The following PPFIA2 variants were observed in gnomAD, a reference collection of about 807,000 sequenced individuals.
PPFIA2 encodes PPFI scaffold protein A2, also known as liprin-alpha-2.
PPFIA2 carries 46 observed loss-of-function variants against 175.5 expected under a neutral mutation model. That is an observed-to-expected ratio of 0.26 (90% CI 0.21 to 0.34). The LOEUF is 0.34. Ranked by LOEUF, PPFIA2 falls within the 10% of genes least tolerant of loss-of-function variation. The pLI, the probability that PPFIA2 is intolerant of heterozygous loss-of-function variation, is 1.00. For missense variants in PPFIA2, 1,179 were observed against 1,506.1 expected (o/e 0.78, Z 3.60); for synonymous variants, 568 against 511.4 (o/e 1.11, Z -1.49).
intron 3 of PPFIA2, among the ~76,000 whole-genome samples, chr12:81,707,913 A>G (rs1272633777): frequency 4.6e-5 from 7 of 150,986 alleles, no homozygotes; most frequent in Admixed American, 1.3e-4. Context: ...TCAGTAAACT[A>G]TCGCAAGAAC....
intron 4 of PPFIA2, among the ~76,000 whole-genome samples, chr12:81,531,726 T>C (rs2064593269): frequency 6.6e-6 from 1 of 151,204 alleles, no homozygotes; most frequent in Non-Finnish European, 1.5e-5. Context: ...CTAAAGGTAA[T>C]GAGGAGGTTT....
intron 4 of PPFIA2, among the ~76,000 whole-genome samples, chr12:81,611,679 T>C (rs1271842980): frequency 2.6e-5 from 4 of 152,142 alleles, no homozygotes; most frequent in Non-Finnish European, 1.5e-5. Flanking sequence ...AGCTCTCTTC[T>C]GGCTCAGAAG....
At chr12:81,593,726 A>T (rs1443287564) in intron 4 of PPFIA2, among the ~76,000 whole-genome samples, 1 of 152,220 alleles carries the variant, frequency 6.6e-6, no homozygotes, top group African/African-American at 2.4e-5. Context: ...AAAATTTTCC[A>T]GTGGGCACTT....
At position 81,370,341 on chromosome 12, in the gene PPFIA2, T is replaced by C. The variant is rs2034744086; in HGVS notation, c.1267-1147A>G. On this transcript the variant is annotated intron_variant, in intron 11 of 32. Transcript: ENST00000549396. ...GGTCTCTGAATGCACACTATGGTCA[T>C]TGGTCTAGAATCTAATGGCCTACTC... 3.3e-5 allele frequency among the ~76,000 whole-genome samples: 5 copies of C among 151,784 alleles called. No homozygotes were observed. In the Admixed American group the frequency reaches 3.3e-4, roughly 10 times the overall value.
intron 3 of PPFIA2, among the ~76,000 whole-genome samples, chr12:81,695,158 G>C (rs1318277613): frequency 1.3e-5 from 2 of 152,104 alleles, no homozygotes; most frequent in African/African-American, 4.8e-5. Flanking sequence ...TTAAAAATTT[G>C]AGGGACTTTT....
rs554939396 is a variant in PPFIA2 at position 81,719,526 on chromosome 12, C to T, written c.249+34447G>A. Among the ~76,000 whole-genome samples the T allele has an allele frequency of 3.3e-5, 5 of 151,526 alleles. No individual in the cohort carries two copies. In the East Asian group the frequency reaches 9.7e-4, roughly 30 times the overall value. On this transcript the variant is annotated intron_variant, in intron 3 of 32. Transcript: ENST00000549396. Reference sequence around the variant, plus strand: ...CCTAATTTTCATCTCCTGTGTCATACTTCTTCTTCCTCCTTTTAAATATGT... The same window carrying T: ...CCTAATTTTCATCTCCTGTGTCATATTTCTTCTTCCTCCTTTTAAATATGT...
chr12:81,285,554 G>T (rs2043120041), intron 24 of PPFIA2, among the ~76,000 whole-genome samples: 1 of 152,012 alleles, frequency 6.6e-6, no homozygotes, highest in Non-Finnish European at 1.5e-5. Context: ...TTGTAGTCAA[G>T]AATGGGGTGC....
chr12:81,637,139 G>C (rs1282817821), intron 4 of PPFIA2, among the ~76,000 whole-genome samples: 31 of 145,190 alleles, frequency 2.1e-4, no homozygotes, highest in Non-Finnish European at 3.2e-4. Context: ...GTGTGATCTC[G>C]GCTCACTGCA....
chr12:81,755,783 G>A (rs541119203), intron 2 of PPFIA2, among the ~76,000 whole-genome samples: 15 of 152,182 alleles, frequency 9.9e-5, no homozygotes, highest in African/African-American at 3.6e-4. Flanking sequence ...GCTACCTGAA[G>A]GCAGGAATTT....
chr12:81,582,090 T>G (rs1388580130), intron 4 of PPFIA2, among the ~76,000 whole-genome samples: 1 of 151,906 alleles, frequency 6.6e-6, no homozygotes, highest in African/African-American at 2.4e-5. Flanking sequence ...TATCGAGATT[T>G]GACTAAGATT....
Position 81,273,633 on chromosome 12 carries a change from A to G in PPFIA2, c.3310+3684T>C, listed in dbSNP as rs182509873. Among the ~76,000 whole-genome samples the G allele has an allele frequency of 2.4e-4, 37 of 152,284 alleles. 1 individual carries two copies. Among genetic ancestry groups the G allele is most frequent in the Non-Finnish European group, 5.9e-5 (4 of 68,018 alleles). On this transcript the variant is annotated intron_variant, in intron 28 of 32. Transcript: ENST00000549396. ...TCCACAGTACTAGCAAAACATTTGT[A>G]TATGAATCTGGAAGCTGAACATGTA...
At chr12:81,609,925 T>C (rs927439784) in intron 4 of PPFIA2, among the ~76,000 whole-genome samples, 1 of 152,190 alleles carries the variant, frequency 6.6e-6, no homozygotes, top group African/African-American at 2.4e-5. Flanking sequence ...CTTTTGATTC[T>C]AAGTTTAGCA....
chr12:81,676,712 TA>T (rs941615762), intron 4 of PPFIA2, 78 bp downstream of exon 4: 4 of 979,014 alleles, frequency 4.1e-6, no homozygotes, highest in Admixed American at 6.4e-5. Context: ...ACAAATAATA[TA>T]CAAGCAATCA....
intron 8 of PPFIA2, among the ~76,000 whole-genome samples, chr12:81,404,953 G>A (rs2042676863): frequency 6.6e-6 from 1 of 152,114 alleles, no homozygotes; most frequent in Non-Finnish European, 1.5e-5. Context: ...TCATTTAGGA[G>A]CTTAAGAATC....
chr12:81,641,220 A>G (rs577384422), intron 4 of PPFIA2, among the ~76,000 whole-genome samples: 4 of 152,096 alleles, frequency 2.6e-5, no homozygotes, highest in Admixed American at 2.6e-4. Flanking sequence ...TAACCACATA[A>G]ATTTTATTAT....
intron 4 of PPFIA2, among the ~76,000 whole-genome samples, chr12:81,636,995 T>C (rs1364365188): frequency 2.0e-5 from 3 of 152,048 alleles, no homozygotes; most frequent in Non-Finnish European, 4.4e-5. Context: ...AAATGGAATT[T>C]TCTCCCTCTA....
chr12:81,706,849 C>A (rs1265030043), intron 3 of PPFIA2, among the ~76,000 whole-genome samples: 1 of 152,098 alleles, frequency 6.6e-6, no homozygotes, highest in Non-Finnish European at 1.5e-5. Flanking sequence ...CAGAACAGAG[C>A]CCTCAGAAAT....
chr12:81,571,788 C>G lies in PPFIA2; in HGVS notation c.303+105003G>C, dbSNP rs76505228. ...TACAGAGTACTATAACTGTTTTTCA[C>G]TTTTTTTCTGGGCCTAGAATAATTT... On this transcript the variant is annotated intron_variant, in intron 4 of 32. Coordinates refer to ENST00000549396, the MANE Select transcript of PPFIA2 (RefSeq NM_003625.5). Among the ~76,000 whole-genome samples, 312 of 152,184 alleles carry G rather than the reference C, an allele frequency of 2.1e-3. 8 individuals carry two copies. The East Asian group carries it at 0.055, about 27-fold the overall frequency.
intron 22 of PPFIA2, among the ~76,000 whole-genome samples, chr12:81,319,663 T>A (rs2053228679): frequency 6.6e-6 from 1 of 151,886 alleles, no homozygotes; most frequent in Non-Finnish European, 1.5e-5. Context: ...TGTTCCAAAC[T>A]AGGCCATAAA....
Sources: allele counts gnomAD v4.1 joint callset (sites outside exome capture counted in the v4.1 genomes callset), GRCh38; gene constraint gnomAD v4.1.1; transcripts MANE v1.5; gene names NCBI Gene and HGNC (gene_info 2026-07-23, HGNC 2026-07-21).